Variants in ARHGAP20 observed in about 807,000 individuals in gnomAD.
ARHGAP20 encodes the protein Rho GTPase activating protein 20.
ARHGAP20 carries 34 observed loss-of-function variants against 73.7 expected under a neutral mutation model. The observed-to-expected ratio is 0.46, with a 90% CI of 0.35 to 0.61. ARHGAP20 has a LOEUF of 0.61. Among genes scored for constraint, ARHGAP20 ranks in the 20% least tolerant of loss-of-function variants. The pLI is 0.00. For synonymous variants in ARHGAP20, 523 were observed against 518.2 expected, an observed-to-expected ratio of 1.01 and a Z score of -0.13; for missense variants, 1,314 against 1,420.9, an observed-to-expected ratio of 0.92 and a Z score of 1.21.
chr11:110,608,731 CTT>C (rs879519157), intron 8 of ARHGAP20, among the ~76,000 whole-genome samples: 23 of 152,112 alleles, frequency 1.5e-4, no homozygotes, highest in South Asian at 6.2e-4. Context: ...CAGGATAACT[CTT>C]GTTTGTCAAA....
At chr11:110,633,013 T>C (rs1285229026) in intron 2 of ARHGAP20, among the ~76,000 whole-genome samples, 1 of 152,236 alleles carries the variant, frequency 6.6e-6, no homozygotes, top group African/African-American at 2.4e-5. Context: ...TTTCATATGG[T>C]GTTTACTTTC....
At chr11:110,661,738 T>C (rs1050490006) in intron 2 of ARHGAP20, among the ~76,000 whole-genome samples, 6 of 152,118 alleles carry the variant, frequency 3.9e-5, no homozygotes, top group African/African-American at 1.2e-4. Context: ...TGATATAACA[T>C]ATTAAGACAC....
chr11:110,639,410 C>A (rs976653126), intron 2 of ARHGAP20, among the ~76,000 whole-genome samples: 7 of 150,812 alleles, frequency 4.6e-5, no homozygotes, highest in African/African-American at 1.7e-4. Context: ...AAACAAAGAA[C>A]TAGTATAAAA....
intron 2 of ARHGAP20, among the ~76,000 whole-genome samples, chr11:110,689,960 G>T (rs1252698795): frequency 7.5e-6 from 1 of 134,156 alleles, no homozygotes; most frequent in Non-Finnish European, 1.6e-5. Context: ...CTCCTGCTCT[G>T]CAAAAAAAAA....
intron 3 of ARHGAP20, among the ~76,000 whole-genome samples, chr11:110,627,987 A>T (rs990561088): frequency 6.6e-5 from 10 of 152,250 alleles, no homozygotes; most frequent in African/African-American, 2.4e-4. Flanking sequence ...AACAATTTTC[A>T]GCAAACATTG....
intron 2 of ARHGAP20, among the ~76,000 whole-genome samples, chr11:110,664,337 C>A (rs1052050796): frequency 5.9e-5 from 9 of 152,048 alleles, no homozygotes; most frequent in African/African-American, 1.7e-4. Flanking sequence ...AGGAAGGTTG[C>A]AGGATATAAG....
chr11:110,592,829 C>T (rs1947862302), intron 9 of ARHGAP20, among the ~76,000 whole-genome samples: 1 of 152,098 alleles, frequency 6.6e-6, no homozygotes, highest in Non-Finnish European at 1.5e-5. Context: ...CCTTTCTTTG[C>T]AACTGTAGAC....
At chr11:110,622,530 A>C (rs1246546429) in intron 4 of ARHGAP20, among the ~76,000 whole-genome samples, 1 of 152,188 alleles carries the variant, frequency 6.6e-6, no homozygotes, top group African/African-American at 2.4e-5. Flanking sequence ...GACTTATTTC[A>C]GATTTCACCA....
At chr11:110,617,867 T>C (rs1327135973) in intron 4 of ARHGAP20, among the ~76,000 whole-genome samples, 1 of 152,092 alleles carries the variant, frequency 6.6e-6, no homozygotes, top group African/African-American at 2.4e-5. Flanking sequence ...AAGCAGTGTA[T>C]CTTGGAAAAT....
In ARHGAP20 at chr11:110,606,763, A is replaced by G; in HGVS notation, c.776-14T>C. ...GATATTCATGCCCTACACAGAGACAAATCTAAATGTAGACTTCAGGCTGAC... is the reference window on the plus strand; with the variant it reads ...GATATTCATGCCCTACACAGAGACAGATCTAAATGTAGACTTCAGGCTGAC... On this transcript the variant is annotated splice_polypyrimidine_tract_variant and intron_variant, in intron 8 of 14. Coordinates refer to ENST00000683387, the MANE Select transcript of ARHGAP20 (RefSeq NM_001384657.1). The G allele has an allele frequency of 6.6e-7, 1 of 1,512,760 alleles. No individual in the cohort carries two copies. The highest frequency in any genetic ancestry group is 8.8e-7 in the Non-Finnish European group (1 of 1,131,224). The allele number at this position is 1,512,760 out of a possible 1,614,324, so 93.7% of individuals were successfully genotyped here.
At chr11:110,593,329 A>T (rs1025634805) in intron 9 of ARHGAP20, among the ~76,000 whole-genome samples, 1 of 152,240 alleles carries the variant, frequency 6.6e-6, no homozygotes, top group Admixed American at 6.5e-5. Flanking sequence ...AGGTTTGCTT[A>T]TGATTTAATA....
chr11:110,634,399 C>T (rs576361052), intron 2 of ARHGAP20, among the ~76,000 whole-genome samples: 51 of 152,216 alleles, frequency 3.4e-4, no homozygotes, highest in Non-Finnish European at 6.2e-4. Context: ...TACTATCCCT[C>T]ATTTTACAGA....
intron 9 of ARHGAP20, among the ~76,000 whole-genome samples, chr11:110,603,891 T>C (rs891358183): frequency 1.3e-5 from 2 of 152,178 alleles, no homozygotes; most frequent in African/African-American, 4.8e-5. Context: ...AAAAATTTTA[T>C]TATAGATCAG....
intron 1 of ARHGAP20, among the ~76,000 whole-genome samples, chr11:110,703,982 G>C (rs894331885): frequency 6.6e-6 from 1 of 152,180 alleles, no homozygotes; most frequent in Non-Finnish European, 1.5e-5. Context: ...AAGGCCAAGA[G>C]GCTAATTGTC....
intron 12 of ARHGAP20, among the ~76,000 whole-genome samples, chr11:110,585,367 C>T (rs1028297720): frequency 2.6e-5 from 4 of 151,378 alleles, no homozygotes; most frequent in Non-Finnish European, 5.9e-5. Flanking sequence ...ATGGTTTACG[C>T]CAAACTATAA....
In ARHGAP20 at chr11:110,633,473, T is replaced by C. The variant is rs540741037; in HGVS notation, c.189-2681A>G. 2.6e-5 allele frequency among the ~76,000 whole-genome samples: 4 copies of C among 152,320 alleles called. 1 individual carries two copies. Among genetic ancestry groups the C allele is most frequent in the South Asian group, 2.1e-4 (1 of 4,830 alleles). On this transcript the variant is annotated intron_variant, in intron 2 of 14. Transcript: ENST00000683387. ...TAGTGTTAAGTCCATCAACTTTTTC[T>C]TTCTTGAGACTGTTTTAGATAATCT...
At chr11:110,698,858 A>G (rs911885797) in intron 1 of ARHGAP20, among the ~76,000 whole-genome samples, 1 of 151,870 alleles carries the variant, frequency 6.6e-6, no homozygotes, top group Non-Finnish European at 1.5e-5. Flanking sequence ...AACCTTTCAA[A>G]TAACCAACTT....
Position 110,579,939 on chromosome 11 carries a change from C to G in ARHGAP20, c.3007G>C (p.Gly1003Arg). ...SNASHVSGMP[G>R]PSSGQACSRP... ...CTGCAAGCCTGCCCTGATGAGGGAC[C>G]GGGCATTCCGGAAACATGGCTGGCA... Residue 1003 changes from glycine to arginine, a missense_variant, in exon 15 of 15, where the codon GGT (glycine) becomes CGT (arginine). Around this residue, in one of 3 missense-constraint regions of ARHGAP20, gnomAD observed 641 missense variants for 636.9 expected, o/e 1.01. Coordinates refer to ENST00000683387, the MANE Select transcript of ARHGAP20 (RefSeq NM_001384657.1). 2 of 1,614,182 alleles carry G rather than the reference C, an allele frequency of 1.2e-6. No homozygotes were observed. Among genetic ancestry groups the G allele is most frequent in the Non-Finnish European group, 1.7e-6 (2 of 1,180,040 alleles).
intron 2 of ARHGAP20, among the ~76,000 whole-genome samples, chr11:110,673,617 TG>T (rs1452196502): frequency 2.6e-5 from 4 of 152,168 alleles, no homozygotes; most frequent in Non-Finnish European, 5.9e-5. Context: ...AAAGAATTGT[TG>T]GCCTCCAGAG....
Sources: gnomAD v4.1 joint callset for allele counts (sites outside exome capture counted in the v4.1 genomes callset) on GRCh38, gnomAD v4.1.1 for gene constraint, gnomAD v4.1.1 regional missense constraint, MANE v1.5 for transcripts, NCBI Gene and HGNC (gene_info 2026-07-23, HGNC 2026-07-21) for gene names.